Variants in LMNB1 observed in about 807,000 individuals in gnomAD.
LMNB1 encodes the protein lamin-B1.
A neutral mutation model predicts 67.1 loss-of-function variants in LMNB1; 23 were observed. That is an observed-to-expected ratio of 0.34 (90% CI 0.25 to 0.49). LMNB1 has a LOEUF of 0.49. Among genes scored for constraint, LMNB1 ranks in the 20% least tolerant of loss-of-function variants. The pLI is 0.99. For missense variants in LMNB1, 634 were observed against 746.5 expected, an observed-to-expected ratio of 0.85 and a Z score of 1.76; for synonymous variants, 281 against 282.9, an observed-to-expected ratio of 0.99 and a Z score of 0.07.
chr5:126,812,950 C>T (rs571007474), intron 5 of LMNB1, among the ~76,000 whole-genome samples: 93 of 152,128 alleles, frequency 6.1e-4, no homozygotes, highest in Admixed American at 1.9e-3. Flanking sequence ...AGGATGGTCT[C>T]GATCTCCTGA....
chr5:126,807,894 CAG>C (rs963408406), intron 3 of LMNB1, among the ~76,000 whole-genome samples: 1 of 81,910 alleles, frequency 1.2e-5, no homozygotes, highest in Admixed American at 1.3e-4. Context: ...TTTTTGGAGA[CAG>C]AGTCCTGCTC....
At chr5:126,810,835 C>T (rs1488462911) in intron 4 of LMNB1, among the ~76,000 whole-genome samples, 1 of 152,194 alleles carries the variant, frequency 6.6e-6, no homozygotes, top group Non-Finnish European at 1.5e-5. Flanking sequence ...CTTCTTCTGT[C>T]ACTATTATTC....
rs1463712150 is a variant in LMNB1 at position 126,804,853 on chromosome 5, A to C, written c.437A>C (p.Asp146Ala). 1.2e-6 allele frequency: 2 copies of C among 1,613,994 alleles called. No homozygotes were observed. The highest frequency in any genetic ancestry group is 2.7e-5 in the African/African-American group (2 of 74,928). ...REYEAALNSK[D>A]AALATALGDK... The stretch of plus-strand genomic sequence containing the variant: ...TATGAAGCAGCACTGAATTCGAAAG[A>C]TGCAGCTCTTGCTACTGCACTTGGT... Residue 146 changes from aspartate (D) to alanine (A), a missense_variant, in exon 2 of 11, where the codon GAT (aspartate) becomes GCT (alanine). Asp to Ala is a moderately radical substitution (Grantham distance 126). Coordinates refer to ENST00000261366, the MANE Select transcript of LMNB1 (RefSeq NM_005573.4).
At chr5:126,816,755 C>A (rs186947131) in intron 5 of LMNB1, among the ~76,000 whole-genome samples, 1 of 152,074 alleles carries the variant, frequency 6.6e-6, no homozygotes, top group African/African-American at 2.4e-5. Context: ...TGGATTTGTC[C>A]GGTGCTTTTC....
At chr5:126,817,730 A>G (rs1260313459) in intron 5 of LMNB1, among the ~76,000 whole-genome samples, 1 of 152,244 alleles carries the variant, frequency 6.6e-6, no homozygotes, top group East Asian at 1.9e-4. Context: ...TTTACCAGCA[A>G]GAGTACAGTT....
intron 1 of LMNB1, among the ~76,000 whole-genome samples, chr5:126,785,562 A>G (rs1750759504): frequency 6.8e-6 from 1 of 147,762 alleles, no homozygotes; most frequent in Non-Finnish European, 1.5e-5. Flanking sequence ...CTCAGGCAAT[A>G]TCTGCCTGCC....
intron 9 of LMNB1, among the ~76,000 whole-genome samples, chr5:126,831,402 A>C (rs1243479856): frequency 2.0e-5 from 3 of 152,258 alleles, no homozygotes; most frequent in African/African-American, 7.2e-5. Context: ...TCCACAGGAA[A>C]GTAATCTGTA....
At chr5:126,810,139 T>A in intron 3 of LMNB1, 41 bp from the exon 4 acceptor site, 2 of 1,574,890 alleles carry the variant, frequency 1.3e-6, no homozygotes, top group Non-Finnish European at 1.7e-6. Flanking sequence ...AATGCAGCCA[T>A]GGTAAGTAGC....
intron 7 of LMNB1, among the ~76,000 whole-genome samples, chr5:126,822,457 A>T (rs1297870013): frequency 2.0e-5 from 3 of 152,240 alleles, no homozygotes; most frequent in African/African-American, 7.2e-5. Context: ...AAAAATTGTG[A>T]TTATGACAGC....
At chr5:126,807,673 A>G (rs1751479809) in intron 3 of LMNB1, among the ~76,000 whole-genome samples, 1 of 152,230 alleles carries the variant, frequency 6.6e-6, no homozygotes, top group African/African-American at 2.4e-5. Flanking sequence ...ATTTATCATT[A>G]CTTATTTCTG....
chr5:126,784,468 G>A (rs1302065501), intron 1 of LMNB1, among the ~76,000 whole-genome samples: 1 of 151,674 alleles, frequency 6.6e-6, no homozygotes, highest in East Asian at 1.9e-4. Flanking sequence ...GCAATTCTCT[G>A]CCTCAGCCTC....
chr5:126,793,312 T>C (rs1249636513), intron 1 of LMNB1, among the ~76,000 whole-genome samples: 1 of 147,942 alleles, frequency 6.8e-6, no homozygotes, highest in Non-Finnish European at 1.5e-5. Context: ...TGCCTGTTTA[T>C]GTTACAGTGA....
Position 126,777,576 on chromosome 5 carries a change from G to A in LMNB1, c.68G>A (p.Ser23Asn), listed in dbSNP as rs1436062880. Reference protein sequence around the residue: ...SRAGGPTTPLSPTRLSRLQEK... With the variant: ...SRAGGPTTPLNPTRLSRLQEK... ...GCTGGCGGCCCCACCACGCCGCTGA[G>A]CCCCACGCGCCTGTCGCGGCTCCAG... Residue 23 changes from serine to asparagine, a missense_variant, in exon 1 of 11, where the codon AGC becomes AAC. By Grantham distance (46) the Ser-to-Asn change is conservative. Coordinates refer to ENST00000261366, the MANE Select transcript of LMNB1 (RefSeq NM_005573.4). 2 of 1,517,394 alleles carry A rather than the reference G, an allele frequency of 1.3e-6. No individual in the cohort carries two copies. The highest frequency in any genetic ancestry group is 2.1e-5 in the Admixed American group (1 of 48,110). 94.0% of individuals were successfully genotyped at this position (1,517,394 alleles called of 1,614,324 possible). A position where few individuals can be genotyped will look rare whatever the true frequency, so the allele number is the denominator to read the frequency against.
At chr5:126,796,266 C>G (rs1751089635) in intron 1 of LMNB1, among the ~76,000 whole-genome samples, 1 of 151,968 alleles carries the variant, frequency 6.6e-6, no homozygotes, top group East Asian at 1.9e-4. Flanking sequence ...TTGCCTTGCC[C>G]TGTCTTCTTA....
At chr5:126,817,393 T>C (rs1294778305) in intron 5 of LMNB1, among the ~76,000 whole-genome samples, 1 of 152,242 alleles carries the variant, frequency 6.6e-6, no homozygotes, top group Non-Finnish European at 1.5e-5. Context: ...CTGAGTGTGC[T>C]CACTGGTACT....
At chr5:126,812,458 T>C (rs1464651709) in intron 5 of LMNB1, among the ~76,000 whole-genome samples, 2 of 152,258 alleles carry the variant, frequency 1.3e-5, no homozygotes, top group Non-Finnish European at 2.9e-5. Flanking sequence ...TATTGCCGGC[T>C]GTGTTGACTG....
intron 6 of LMNB1, among the ~76,000 whole-genome samples, chr5:126,819,916 A>G (rs1236504703): frequency 6.6e-6 from 1 of 152,174 alleles, no homozygotes; most frequent in Non-Finnish European, 1.5e-5. Flanking sequence ...AGGCCAAGGC[A>G]GGCGGATCAC....
At chr5:126,814,139 C>T (rs1751647129) in intron 5 of LMNB1, among the ~76,000 whole-genome samples, 1 of 152,184 alleles carries the variant, frequency 6.6e-6, no homozygotes, top group African/African-American at 2.4e-5. Context: ...AGGTGATCCG[C>T]CCGCCTCAGC....
At chr5:126,819,459 A>ATTATTTAT (rs60317211) in intron 6 of LMNB1, among the ~76,000 whole-genome samples, 4,874 of 142,830 alleles carry the variant, frequency 0.034, 134 homozygotes, top group African/African-American at 0.062. Flanking sequence ...GACTTTACAT[A>ATTATTTAT]TTATTTATTT....
Sources: allele counts gnomAD v4.1 joint callset (sites outside exome capture counted in the v4.1 genomes callset), GRCh38; gene constraint gnomAD v4.1.1; transcripts MANE v1.5; gene names NCBI Gene and HGNC (gene_info 2026-07-23, HGNC 2026-07-21).